Variants in CCSER1 observed in about 807,000 individuals in gnomAD.
The protein encoded by CCSER1 is coiled-coil serine rich protein 1.
In CCSER1, 41 loss-of-function variants were observed where a neutral mutation model predicts 82.0. The observed-to-expected ratio is 0.50, with a 90% CI of 0.39 to 0.65. CCSER1 has a LOEUF of 0.65. Among genes scored for constraint, CCSER1 ranks in the 30% least tolerant of loss-of-function variants. The probability of loss-of-function intolerance (pLI) is 0.00; values close to 1 mark genes in which losing one functional copy is unlikely to be tolerated. For synonymous variants in CCSER1, 414 were observed against 383.9 expected, an observed-to-expected ratio of 1.08 and a Z score of -0.92; for missense variants, 1,119 against 1,064.2, an observed-to-expected ratio of 1.05 and a Z score of -0.72.
At chr4:90,328,072 T>G (rs1316585439) in intron 3 of CCSER1, among the ~76,000 whole-genome samples, 1 of 152,204 alleles carries the variant, frequency 6.6e-6, no homozygotes, top group Non-Finnish European at 1.5e-5. Flanking sequence ...CTTTTTTATT[T>G]ACCTGTCCTA....
intron 8 of CCSER1, among the ~76,000 whole-genome samples, chr4:90,861,049 T>C (rs1489523222): frequency 6.6e-6 from 1 of 151,654 alleles, no homozygotes; most frequent in East Asian, 1.9e-4. Flanking sequence ...ATACAAATGA[T>C]AATAAAAAAT....
intron 5 of CCSER1, among the ~76,000 whole-genome samples, chr4:90,548,451 G>A (rs1236574566): frequency 1.3e-5 from 2 of 151,932 alleles, no homozygotes; most frequent in African/African-American, 4.8e-5. Flanking sequence ...CAATTTCAAA[G>A]GACGCAAGGA....
At chr4:90,893,772 T>C (rs1044601947) in intron 8 of CCSER1, among the ~76,000 whole-genome samples, 11 of 118,376 alleles carry the variant, frequency 9.3e-5, no homozygotes, top group East Asian at 6.0e-4. Flanking sequence ...TGTGTGTGTG[T>C]GTGCGTGTGT....
intron 1 of CCSER1, among the ~76,000 whole-genome samples, chr4:90,230,806 C>G (rs1744358417): frequency 1.3e-5 from 2 of 151,996 alleles, no homozygotes; most frequent in Non-Finnish European, 2.9e-5. Flanking sequence ...ACCAATCCCA[C>G]AGAAATACAA....
intron 7 of CCSER1, among the ~76,000 whole-genome samples, chr4:90,814,882 C>T (rs1758797273): frequency 6.6e-6 from 1 of 152,144 alleles, no homozygotes; most frequent in African/African-American, 2.4e-5. Flanking sequence ...CTCACATCTT[C>T]CTGTCTTCTG....
chr4:91,315,137 A>C (rs1299692865), intron 10 of CCSER1, among the ~76,000 whole-genome samples: 5 of 128,530 alleles, frequency 3.9e-5, no homozygotes, highest in Non-Finnish European at 8.1e-5. Context: ...TTCTAGATAG[A>C]ACCGTGTGTG....
intron 10 of CCSER1, among the ~76,000 whole-genome samples, chr4:91,596,729 C>G (rs1349229116): frequency 2.6e-5 from 4 of 152,020 alleles, no homozygotes; most frequent in Admixed American, 2.0e-4. Flanking sequence ...CCTTTCTACA[C>G]CAAATTACCA....
intron 1 of CCSER1, among the ~76,000 whole-genome samples, chr4:90,157,507 A>T (rs2153360893): frequency 6.6e-6 from 1 of 152,316 alleles, no homozygotes; most frequent in East Asian, 1.9e-4. Flanking sequence ...ACTTTCAGAT[A>T]CACCAATCAG....
intron 10 of CCSER1, among the ~76,000 whole-genome samples, chr4:91,112,405 T>C (rs1247555224): frequency 6.6e-6 from 1 of 152,128 alleles, no homozygotes; most frequent in East Asian, 1.9e-4. Context: ...TATGTATTTA[T>C]TTACTTGTTG....
At chr4:91,047,770 AT>A (rs758783891) in intron 9 of CCSER1, among the ~76,000 whole-genome samples, 1 of 152,162 alleles carries the variant, frequency 6.6e-6, no homozygotes, top group Non-Finnish European at 1.5e-5. Flanking sequence ...TGAAAGAGGT[AT>A]TTAGGCATAT....
chr4:91,384,017 C>T (rs753544135), intron 10 of CCSER1, among the ~76,000 whole-genome samples: 3 of 152,110 alleles, frequency 2.0e-5, no homozygotes, highest in Non-Finnish European at 4.4e-5. Context: ...AAAGAATCAA[C>T]TTTGGCTCCC....
At chr4:91,449,331 G>T (rs1755747681) in intron 10 of CCSER1, among the ~76,000 whole-genome samples, 1 of 151,792 alleles carries the variant, frequency 6.6e-6, no homozygotes, top group Non-Finnish European at 1.5e-5. Flanking sequence ...GAAAAGTGGT[G>T]GTAATTGAGA....
chr4:90,487,614 G>T (rs543962006), intron 5 of CCSER1, among the ~76,000 whole-genome samples: 1 of 152,294 alleles, frequency 6.6e-6, no homozygotes, highest in South Asian at 2.1e-4. Context: ...GGAATAAACA[G>T]CTGAAAGAAT....
chr4:91,289,512 G>A (rs1018035680), intron 10 of CCSER1, among the ~76,000 whole-genome samples: 7 of 152,050 alleles, frequency 4.6e-5, no homozygotes. Flanking sequence ...AGTTAGAGCT[G>A]TAAGAATGAA....
chr4:91,452,975 T>C (rs1755950871), intron 10 of CCSER1, among the ~76,000 whole-genome samples: 2 of 152,106 alleles, frequency 1.3e-5, no homozygotes, highest in South Asian at 2.1e-4. Context: ...ATATCAAGTA[T>C]ACTCTATATT....
At chr4:90,699,987 CT>C (rs1018069074) in intron 6 of CCSER1, among the ~76,000 whole-genome samples, 217 of 145,186 alleles carry the variant, frequency 1.5e-3, no homozygotes, top group Admixed American at 3.3e-3. Context: ...ATGTCTCAAT[CT>C]TTTTTTTTTT....
intron 5 of CCSER1, among the ~76,000 whole-genome samples, chr4:90,599,011 G>C (rs568860402): frequency 2.0e-5 from 3 of 152,330 alleles, no homozygotes; most frequent in Admixed American, 2.0e-4. Context: ...GAACGTGATA[G>C]TGCAGTGGCA....
At chr4:91,030,579 A>C (rs1407042413) in intron 9 of CCSER1, among the ~76,000 whole-genome samples, 1 of 152,130 alleles carries the variant, frequency 6.6e-6, no homozygotes, top group Non-Finnish European at 1.5e-5. Context: ...GTGGAAAATA[A>C]GTGACCTTTT....
chr4:91,342,047 C>T (rs903113319), intron 10 of CCSER1, among the ~76,000 whole-genome samples: 1 of 152,078 alleles, frequency 6.6e-6, no homozygotes, highest in Non-Finnish European at 1.5e-5. Flanking sequence ...AGTTTAAATT[C>T]TGTATTTCTG....
Sources: gnomAD v4.1 joint callset for allele counts (sites outside exome capture counted in the v4.1 genomes callset) on GRCh38, gnomAD v4.1.1 for gene constraint, MANE v1.5 for transcripts, NCBI Gene and HGNC (gene_info 2026-07-23, HGNC 2026-07-21) for gene names.